Variants in PGAP4 observed in about 807,000 individuals in gnomAD.
PGAP4 encodes the protein post-GPI attachment to proteins GalNAc transferase 4.
In PGAP4, 12 loss-of-function variants were observed where a neutral mutation model predicts 28.2. The observed-to-expected ratio is 0.42, with a 90% confidence interval of 0.27 to 0.69. The LOEUF (loss-of-function observed/expected upper bound fraction) is 0.69, where lower values mean the gene tolerates loss of function less well. PGAP4 is among the 30% of genes least tolerant of loss of function. The probability of loss-of-function intolerance (pLI) is 0.22; values close to 1 mark genes in which losing one functional copy is unlikely to be tolerated. For synonymous variants in PGAP4, 205 were observed against 211.8 expected (o/e 0.97, Z 0.28); for missense variants, 425 against 513.5 (o/e 0.83, Z 1.67).
intron 2 of PGAP4, among the ~76,000 whole-genome samples, chr9:101,494,967 C>A (rs538310148): frequency 6.7e-6 from 1 of 149,094 alleles, no homozygotes; most frequent in East Asian, 2.0e-4. Flanking sequence ...ATTAATATAA[C>A]AAACAAATTA....
upstream of PGAP4, among the ~76,000 whole-genome samples, chr9:101,491,667 T>G (rs2118573705): frequency 6.6e-6 from 1 of 151,440 alleles, no homozygotes; most frequent in East Asian, 1.9e-4. Flanking sequence ...TTTCAAATAT[T>G]TGGGGCTTCT....
chr9:101,496,748 A>C (rs532641685), intron 2 of PGAP4, among the ~76,000 whole-genome samples: 2 of 150,872 alleles, frequency 1.3e-5, no homozygotes, highest in Non-Finnish European at 3.0e-5. Context: ...ACCATACAAA[A>C]TTTTTTTAAT....
chr9:101,531,194 CT>C (rs1311459669), intron 2 of PGAP4: 1 of 106,088 alleles, frequency 9.4e-6, no homozygotes, highest in African/African-American at 3.9e-5. Flanking sequence ...AAATCTCTTT[CT>C]ACACACACAC....
At chr9:101,532,074 G>A (rs62575837) in intron 1 of PGAP4, among the ~76,000 whole-genome samples, 20,400 of 152,102 alleles carry the variant, frequency 0.13, 1,384 homozygotes, top group Admixed American at 0.18. Context: ...GTTTGAGACC[G>A]GCCTAGCCAA....
chr9:101,488,351 C>A (rs1307193116), upstream of PGAP4, among the ~76,000 whole-genome samples: 1 of 152,154 alleles, frequency 6.6e-6, no homozygotes, highest in African/African-American at 2.4e-5. Context: ...AAATGGGAGT[C>A]TGATATTCCG....
chr9:101,515,700 T>A (rs1182296707), intron 2 of PGAP4, among the ~76,000 whole-genome samples: 1 of 152,134 alleles, frequency 6.6e-6, no homozygotes, highest in African/African-American at 2.4e-5. Flanking sequence ...AAAAAAATAG[T>A]AAAACTAGTA....
intron 1 of PGAP4, among the ~76,000 whole-genome samples, chr9:101,480,980 C>T (rs1375009463): frequency 6.6e-6 from 1 of 152,056 alleles, no homozygotes; most frequent in African/African-American, 2.4e-5. Context: ...AGATTGAGAC[C>T]AGCCTGGGCA....
At chr9:101,521,034 A>C (rs1467803001) in intron 2 of PGAP4, among the ~76,000 whole-genome samples, 1 of 152,146 alleles carries the variant, frequency 6.6e-6, no homozygotes, top group Non-Finnish European at 1.5e-5. Flanking sequence ...TGACTTCTGC[A>C]TGTTAAACCA....
At chr9:101,513,593 T>C (rs1308246580) in intron 2 of PGAP4, among the ~76,000 whole-genome samples, 8 of 152,196 alleles carry the variant, frequency 5.3e-5, no homozygotes, top group Admixed American at 5.2e-4. Flanking sequence ...CACATGCCTC[T>C]TAGCAACAGT....
intron 2 of PGAP4, among the ~76,000 whole-genome samples, chr9:101,492,337 C>T (rs1295468671): frequency 4.0e-5 from 6 of 151,856 alleles, no homozygotes; most frequent in African/African-American, 9.7e-5. Flanking sequence ...GGGACTAAGG[C>T]GCATACCACC....
chr9:101,496,286 T>G lies in PGAP4; in HGVS notation c.-164-7086A>C, dbSNP rs565564800. Among the ~76,000 whole-genome samples, 10 of 151,522 alleles carry G rather than the reference T, an allele frequency of 6.6e-5. No homozygotes were observed. The East Asian group carries it at 1.9e-3, about 29-fold the overall frequency. ...TTATCACCTCAACTAAGAAAAAAGA[T>G]AAATCTTTTTTTAAGGGGAGAAAGA... On this transcript the variant is annotated intron_variant, in intron 2 of 3. Transcript: ENST00000374851.
At chr9:101,527,601 C>T (rs944786695) in intron 2 of PGAP4, among the ~76,000 whole-genome samples, 1 of 151,986 alleles carries the variant, frequency 6.6e-6, no homozygotes, top group Non-Finnish European at 1.5e-5. Context: ...TATATGGACC[C>T]CTCTTTCAAA....
At chr9:101,524,238 G>T (rs977093103) in intron 2 of PGAP4, among the ~76,000 whole-genome samples, 7 of 150,998 alleles carry the variant, frequency 4.6e-5, no homozygotes, top group African/African-American at 1.7e-4. Flanking sequence ...GCTGAGTCAT[G>T]CAGGTTGTCA....
upstream of PGAP4, chr9:101,487,289 T>A (rs2118564073): frequency 6.6e-6 from 1 of 152,338 alleles, no homozygotes; most frequent in East Asian, 1.9e-4. Context: ...CCTGTTTCTT[T>A]TGTGAGGGGA....
rs2118474674 is a variant in PGAP4, at chr9:101,474,657, GT to G, written c.*1223del. The G allele has an allele frequency of 6.6e-6, 1 of 152,300 alleles. No individual in the cohort carries two copies. The highest frequency in any genetic ancestry group is 1.5e-5 in the Non-Finnish European group (1 of 68,040). 9.4% of individuals were successfully genotyped at this position (152,300 alleles called of 1,614,324 possible). A position where few individuals can be genotyped will look rare whatever the true frequency, so the allele number is the denominator to read the frequency against. On this transcript the variant is annotated 3_prime_UTR_variant, in exon 2 of 2. Transcript: ENST00000374848. ...AGGGCTTGGTCATCTGGAATAGCTG[GT>G]ACATAGGTGGCAGCTCCATGCCCTA... is the stretch of plus-strand genomic sequence containing the variant.
intron 2 of PGAP4, among the ~76,000 whole-genome samples, chr9:101,526,890 A>C (rs1424382426): frequency 6.6e-6 from 1 of 152,250 alleles, no homozygotes; most frequent in African/African-American, 2.4e-5. Flanking sequence ...AAATGGTACC[A>C]ACCAGAACTA....
At chr9:101,519,048 C>T (rs959593179) in intron 2 of PGAP4, among the ~76,000 whole-genome samples, 23 of 152,128 alleles carry the variant, frequency 1.5e-4, no homozygotes, top group Admixed American at 7.9e-4. Context: ...TTTTGATTTG[C>T]ATTTCCCTGA....
chr9:101,508,942 G>C (rs1235254437), intron 2 of PGAP4, among the ~76,000 whole-genome samples: 1 of 152,146 alleles, frequency 6.6e-6, no homozygotes, highest in African/African-American at 2.4e-5. Context: ...TAGGATGTTA[G>C]AAATGGAAAC....
intron 1 of PGAP4, among the ~76,000 whole-genome samples, chr9:101,478,626 G>A (rs529020088): frequency 6.9e-4 from 105 of 152,322 alleles, no homozygotes; most frequent in Non-Finnish European, 1.2e-3. Flanking sequence ...CTGGGACAAG[G>A]TAGTTGAGAA....
Sources: allele counts gnomAD v4.1 joint callset (sites outside exome capture counted in the v4.1 genomes callset), GRCh38; gene constraint gnomAD v4.1.1; transcripts MANE v1.5; gene names NCBI Gene and HGNC (gene_info 2026-07-23, HGNC 2026-07-21).